The following DCAKD variants were observed in gnomAD, a reference collection of about 807,000 sequenced individuals.
DCAKD encodes dephospho-CoA kinase domain-containing protein.
In DCAKD, 15 loss-of-function variants were observed where a neutral mutation model predicts 18.7. That is an observed-to-expected ratio of 0.80 (90% CI 0.54 to 1.24). The LOEUF is 1.24. Ranked by LOEUF, DCAKD falls within the 50% of genes most tolerant of loss-of-function variation. The pLI is 0.00. For missense variants in DCAKD, 301 were observed against 322.0 expected, an observed-to-expected ratio of 0.93 and a Z score of 0.50; for synonymous variants, 130 against 133.0, an observed-to-expected ratio of 0.98 and a Z score of 0.16.
At chr17:45,038,878 C>A (rs2053366007) in intron 1 of DCAKD, among the ~76,000 whole-genome samples, 1 of 152,248 alleles carries the variant, frequency 6.6e-6, no homozygotes, top group Non-Finnish European at 1.5e-5. Flanking sequence ...ACAAGCCCCT[C>A]TGTAGCTCAT....
chr17:45,061,110 G>T, upstream of DCAKD: 1 of 1,339,476 alleles, frequency 7.5e-7, no homozygotes, highest in Non-Finnish European at 9.6e-7. Context: ...GTGGCCGAAT[G>T]CCTAGGCTTC....
rs1184339529 is a variant in DCAKD, at chr17:45,034,191, G to A, written c.312C>T (p.Leu104=). The change falls in exon 3 of 5, where the codon CTC becomes CTT. Residue 104 remains leucine, a synonymous_variant. Transcript: ENST00000651974. ...EMMKETFKYF[L]RGYRYVILDI... is the part of the protein sequence containing the mutation. ...GCCCCAGGCCCTGGCACTTACCCCG[G>A]AGGAAGTACTTGAACGTCTCCTTCA... 1 of 1,613,840 alleles carries A rather than the reference G, an allele frequency of 6.2e-7. No homozygotes were observed. The highest frequency in any genetic ancestry group is 8.5e-7 in the Non-Finnish European group (1 of 1,179,990).
At chr17:45,040,697 T>C (rs903438310) in intron 1 of DCAKD, among the ~76,000 whole-genome samples, 2 of 152,082 alleles carry the variant, frequency 1.3e-5, no homozygotes, top group Admixed American at 1.3e-4. Flanking sequence ...TCCATGTCAG[T>C]GAAAGGCAGC....
intron 1 of DCAKD, among the ~76,000 whole-genome samples, chr17:45,047,385 T>A (rs190933383): frequency 4.9e-4 from 74 of 152,068 alleles, no homozygotes; most frequent in African/African-American, 1.7e-3. Context: ...TAGGCTCAGG[T>A]GATCCTGCCA....
intron 1 of DCAKD, among the ~76,000 whole-genome samples, chr17:45,056,880 G>C (rs2143416332): frequency 6.6e-6 from 1 of 152,096 alleles, no homozygotes; most frequent in African/African-American, 2.4e-5. Context: ...CCGTTCTCCT[G>C]CCTCAGCCTA....
intron 4 of DCAKD, among the ~76,000 whole-genome samples, chr17:45,029,122 A>C (rs572705639): frequency 6.6e-6 from 1 of 152,224 alleles, no homozygotes; most frequent in Admixed American, 6.5e-5. Flanking sequence ...TAGCCTCTCA[A>C]ACAGGGAATG....
At chr17:45,035,072 A>C in intron 1 of DCAKD, 73 bp from the exon 2 acceptor site, 1 of 599,240 alleles carries the variant, frequency 1.7e-6, no homozygotes, top group South Asian at 1.9e-5. Flanking sequence ...AAAGGAAGTA[A>C]AGGGAGACAG....
In DCAKD at chr17:45,034,909, C is replaced by G. The variant is rs755310973; in HGVS notation, c.-24G>C. On this transcript the variant is annotated 5_prime_UTR_variant, in exon 2 of 5. Coordinates refer to ENST00000651974, the MANE Select transcript of DCAKD (RefSeq NM_001288655.2). ...ATCTTCCAGGAAAGAGAGCTGTCCGCGAGACTACGGAGCCAGGAGCTACAG... is the reference window on the plus strand; with the variant it reads ...ATCTTCCAGGAAAGAGAGCTGTCCGGGAGACTACGGAGCCAGGAGCTACAG... 6.2e-7 allele frequency: 1 copy of G among 1,612,074 alleles called. No individual in the cohort carries two copies. Among genetic ancestry groups the G allele is most frequent in the Non-Finnish European group, 8.5e-7 (1 of 1,178,546 alleles).
chr17:45,053,186 A>AC (rs890751064), upstream of DCAKD, among the ~76,000 whole-genome samples: 13 of 148,942 alleles, frequency 8.7e-5, no homozygotes, highest in Middle Eastern at 3.2e-3. Flanking sequence ...AAAAAAAAAA[A>AC]AAAAAAAAAA....
chr17:45,034,744 A>T (rs2053251035), intron 2 of DCAKD, 30 bp downstream of exon 2: 2 of 1,605,280 alleles, frequency 1.2e-6, no homozygotes, highest in Admixed American at 3.4e-5. Flanking sequence ...GCTGCTGTGC[A>T]CGGCCCCCCA....
chr17:45,048,787 C>G (rs1461898428), intron 1 of DCAKD, among the ~76,000 whole-genome samples: 2 of 152,054 alleles, frequency 1.3e-5, no homozygotes, highest in African/African-American at 2.4e-5. Context: ...GCCTGGGTGA[C>G]AGAGTGAGAC....
At chr17:45,048,313 C>T (rs756932150) in intron 1 of DCAKD, among the ~76,000 whole-genome samples, 22 of 151,818 alleles carry the variant, frequency 1.4e-4, no homozygotes, top group Non-Finnish European at 2.2e-4. Flanking sequence ...GACCAGCCTG[C>T]CTGGCCAATA....
At chr17:45,030,553 G>A (rs1320600547) in intron 3 of DCAKD, among the ~76,000 whole-genome samples, 2 of 152,258 alleles carry the variant, frequency 1.3e-5, no homozygotes, top group African/African-American at 2.4e-5. Context: ...GCCGTGTGAG[G>A]CAAGGAGGTG....
Position 45,034,190 on chromosome 17 carries a change from G to A in DCAKD, c.313C>T (p.Arg105Trp), listed in dbSNP as rs117298907. 0.015 allele frequency: 24,529 copies of A among 1,613,724 alleles called. 636 individuals carry two copies. The highest frequency in any genetic ancestry group is 0.078 in the Admixed American group (4,677 of 59,984). ...CGCCCCAGGCCCTGGCACTTACCCCGGAGGAAGTACTTGAACGTCTCCTTC... is the reference window on the plus strand; with the variant it reads ...CGCCCCAGGCCCTGGCACTTACCCCAGAGGAAGTACTTGAACGTCTCCTTC... ...MMKETFKYFL[R>W]GYRYVILDIP... Residue 105 changes from arginine (R) to tryptophan (W), a missense_variant, in exon 3 of 5, where the codon CGG becomes TGG. Physicochemically the swap from Arg to Trp is moderately radical, Grantham distance 101. Transcript: ENST00000651974.
At chr17:45,035,915 C>A (rs541877474) in intron 1 of DCAKD, among the ~76,000 whole-genome samples, 1 of 152,268 alleles carries the variant, frequency 6.6e-6, no homozygotes, top group African/African-American at 2.4e-5. Context: ...ATCCTCTTGG[C>A]CCAGATGGGG....
chr17:45,061,058 G>C (rs1010434887), exon 1 of DCAKD: 2 of 1,223,984 alleles, frequency 1.6e-6, no homozygotes, highest in East Asian at 8.1e-5. Context: ...CGGTTCCCAA[G>C]GGTCGGTCCC....
upstream of DCAKD, among the ~76,000 whole-genome samples, chr17:45,055,366 A>G (rs897815548): frequency 1.6e-3 from 37 of 22,502 alleles, no homozygotes; most frequent in Non-Finnish European, 3.0e-3. Flanking sequence ...CTGTACGTTT[A>G]TTTATTTATT....
At chr17:45,043,064 G>C (rs888692051) in intron 1 of DCAKD, among the ~76,000 whole-genome samples, 13 of 152,160 alleles carry the variant, frequency 8.5e-5, no homozygotes, top group African/African-American at 3.1e-4. Flanking sequence ...CAGAGTCAAA[G>C]GGACCTTGGT....
At chr17:45,026,305 G>A (rs569659681) in intron 4 of DCAKD, among the ~76,000 whole-genome samples, 61 of 144,392 alleles carry the variant, frequency 4.2e-4, no homozygotes, top group African/African-American at 1.5e-3. Context: ...TCGGCTCACT[G>A]CAACCTCCGC....
Sources: gnomAD v4.1 joint callset for allele counts (sites outside exome capture counted in the v4.1 genomes callset) on GRCh38, gnomAD v4.1.1 for gene constraint, MANE v1.5 for transcripts, NCBI Gene and HGNC (gene_info 2026-07-23, HGNC 2026-07-21) for gene names.